Variants in AHR observed in about 807,000 individuals in gnomAD.
AHR encodes aryl hydrocarbon receptor.
AHR carries 40 observed loss-of-function variants against 86.8 expected under a neutral mutation model. The observed-to-expected ratio is 0.46, with a 90% CI of 0.36 to 0.60. The LOEUF is 0.60. Among genes scored for constraint, AHR ranks in the 20% least tolerant of loss-of-function variants. AHR has a pLI of 0.00. For missense variants in AHR, 1,001 were observed against 1,011.6 expected, an observed-to-expected ratio of 0.99 and a Z score of 0.14; for synonymous variants, 398 against 354.9, an observed-to-expected ratio of 1.12 and a Z score of -1.37.
Position 17,343,263 on chromosome 7 carries a change from T to C in AHR, c.*199T>C. 4.8e-6 allele frequency: 3 copies of C among 621,898 alleles called. No homozygotes were observed. Among genetic ancestry groups the C allele is most frequent in the Non-Finnish European group, 5.5e-6 (2 of 362,986 alleles). The allele number at this position is 621,898 out of a possible 1,614,324, so 38.5% of individuals were successfully genotyped here. A position where few individuals can be genotyped will look rare whatever the true frequency, so the allele number is the denominator to read the frequency against. ...AAAATGGTATCAAAATTACATATAC[T>C]ACAGTCAAGATAGAAAGGGTGCTGC... On this transcript the variant is annotated 3_prime_UTR_variant, in exon 11 of 11. Coordinates refer to ENST00000242057, the MANE Select transcript of AHR (RefSeq NM_001621.5).
At chr7:17,330,137 G>C (rs1782271807) in intron 5 of AHR, 62 bp downstream of exon 5, 2 of 1,525,598 alleles carry the variant, frequency 1.3e-6, no homozygotes, top group African/African-American at 1.4e-5. Context: ...TGTGAAAGGA[G>C]GCTGGGAACC....
intron 1 of AHR, among the ~76,000 whole-genome samples, chr7:17,302,733 G>A (rs1781966660): frequency 6.6e-6 from 1 of 151,438 alleles, no homozygotes; most frequent in African/African-American, 2.4e-5. Flanking sequence ...ACAGATCTGG[G>A]CAAGTTTCTT....
chr7:17,326,479 C>T (rs754775039), intron 3 of AHR, among the ~76,000 whole-genome samples: 3 of 152,140 alleles, frequency 2.0e-5, no homozygotes, highest in South Asian at 2.1e-4. Flanking sequence ...TAGTTTATTA[C>T]GTGTTGAATA....
chr7:17,319,569 G>C (rs1253152136), intron 2 of AHR, among the ~76,000 whole-genome samples: 3 of 152,120 alleles, frequency 2.0e-5, no homozygotes, highest in Admixed American at 2.0e-4. Flanking sequence ...TACGTGGAAA[G>C]TGCTAGGTGT....
intron 4 of AHR, among the ~76,000 whole-genome samples, chr7:17,328,307 G>A (rs1284169828): frequency 6.6e-6 from 1 of 151,940 alleles, no homozygotes; most frequent in East Asian, 1.9e-4. Flanking sequence ...TAAATAATGT[G>A]TAACAGGTGG....
chr7:17,310,349 T>C (rs572130693), intron 2 of AHR, among the ~76,000 whole-genome samples: 8 of 152,204 alleles, frequency 5.3e-5, no homozygotes, highest in Non-Finnish European at 1.2e-4. Context: ...GTATCATTCT[T>C]TGAAAATCAT....
rs752519308 is a variant in AHR, at chr7:17,309,933, C to T, written c.66-3C>T. 1 of 1,523,512 alleles carries T rather than the reference C, an allele frequency of 6.6e-7. No homozygotes were observed. Among genetic ancestry groups the T allele is most frequent in the Non-Finnish European group, 8.9e-7 (1 of 1,123,500 alleles). 94.4% of individuals were successfully genotyped at this position (1,523,512 alleles called of 1,614,324 possible). A position where few individuals can be genotyped will look rare whatever the true frequency, so the allele number is the denominator to read the frequency against. ...TTTTTATGGTATTTTGTTTGTTTTT[C>T]AGAGTAAAGCCAATCCCAGCTGAAG... On this transcript the variant is annotated splice_region_variant and splice_polypyrimidine_tract_variant and intron_variant, in intron 1 of 10. Coordinates refer to ENST00000242057, the MANE Select transcript of AHR (RefSeq NM_001621.5).
intron 4 of AHR, 26 bp downstream of exon 4, chr7:17,327,874 T>G (rs1464152949): frequency 4.0e-6 from 4 of 998,610 alleles, no homozygotes; most frequent in Non-Finnish European, 5.4e-6. Context: ...TTATATCATT[T>G]ATATTATTAT....
intron 2 of AHR, among the ~76,000 whole-genome samples, chr7:17,317,063 A>G (rs1782121872): frequency 6.7e-6 from 1 of 150,056 alleles, no homozygotes; most frequent in Admixed American, 6.6e-5. Context: ...TATGGAAATC[A>G]TAGTTATTTC....
intron 2 of AHR, among the ~76,000 whole-genome samples, chr7:17,315,715 A>G (rs1477384930): frequency 6.6e-6 from 1 of 151,966 alleles, no homozygotes; most frequent in East Asian, 1.9e-4. Context: ...ATGGAAATGT[A>G]CACCTTCATG....
intron 1 of AHR, 137 bp downstream of exon 1, chr7:17,299,466 G>T: frequency 2.1e-6 from 2 of 966,614 alleles, no homozygotes; most frequent in East Asian, 2.9e-5. Context: ...TGGAATCGAG[G>T]TTTGGAGGCC....
In AHR at chr7:17,345,752, T is replaced by G. The variant is rs138154471; in HGVS notation, c.*2688T>G. On this transcript the variant is annotated 3_prime_UTR_variant, in exon 11 of 11. Transcript: ENST00000242057. ...ATAACTAAAATGTATCTAAGAATAA[T>G]AAAATCACGTTAAACCAAATACACG... 3.2e-4 allele frequency: 49 copies of G among 152,886 alleles called. No individual in the cohort carries two copies. Among genetic ancestry groups the G allele is most frequent in the Middle Eastern group, 6.8e-3 (2 of 294 alleles). 9.5% of individuals were successfully genotyped at this position (152,886 alleles called of 1,614,324 possible). A position where few individuals can be genotyped will look rare whatever the true frequency, so the allele number is the denominator to read the frequency against.
chr7:17,307,827 A>G (rs1450205214), intron 1 of AHR, among the ~76,000 whole-genome samples: 1 of 152,084 alleles, frequency 6.6e-6, no homozygotes, highest in Non-Finnish European at 1.5e-5. Flanking sequence ...TCAGCTCAAC[A>G]CTTAAGAACA....
chr7:17,319,313 A>G (rs1426495977), intron 2 of AHR, among the ~76,000 whole-genome samples: 1 of 152,046 alleles, frequency 6.6e-6, no homozygotes, highest in Non-Finnish European at 1.5e-5. Context: ...AATTTGTCTC[A>G]AGAGGTAGCA....
rs1245852439 is a variant in AHR at position 17,298,883 on chromosome 7, C to T, written c.-382C>T. On this transcript the variant is annotated 5_prime_UTR_variant, in exon 1 of 11. Transcript: ENST00000242057. ...CGACGGTCACGGGGCGCGGCGCCAC[C>T]GTGAGCGACCCAGGCCAGGATTCTA... 1.5e-5 allele frequency: 6 copies of T among 398,714 alleles called. No individual in the cohort carries two copies. The highest frequency in any genetic ancestry group is 6.2e-4 in the Middle Eastern group (1 of 1,614). 24.7% of individuals were successfully genotyped at this position (398,714 alleles called of 1,614,324 possible).
intron 6 of AHR, among the ~76,000 whole-genome samples, 164 bp from the exon 7 acceptor site, chr7:17,333,748 C>T (rs545638546): frequency 3.8e-4 from 58 of 151,944 alleles, no homozygotes; most frequent in Middle Eastern, 3.4e-3. Context: ...ATTTAATGGG[C>T]GTCCCATGGA....
At chr7:17,340,789 ACATTACCTCCC>A (rs1349132054) in intron 10 of AHR, among the ~76,000 whole-genome samples, 2 of 152,120 alleles carry the variant, frequency 1.3e-5, no homozygotes, top group African/African-American at 4.8e-5. Flanking sequence ...CTATTCCTCC[ACATTACCTCCC>A]CTATCCTCAT....
chr7:17,302,606 A>G (rs1307514635), intron 1 of AHR, among the ~76,000 whole-genome samples: 1 of 151,954 alleles, frequency 6.6e-6, no homozygotes, highest in Non-Finnish European at 1.5e-5. Context: ...GAACTATGAA[A>G]TGAAGTAAGT....
intron 1 of AHR, among the ~76,000 whole-genome samples, chr7:17,304,572 G>A (rs531864403): frequency 3.9e-5 from 6 of 152,094 alleles, no homozygotes; most frequent in East Asian, 1.9e-4. Flanking sequence ...ATATTCTGCC[G>A]TCACAGAAAC....
Sources: allele counts gnomAD v4.1 joint callset (sites outside exome capture counted in the v4.1 genomes callset), GRCh38; gene constraint gnomAD v4.1.1; transcripts MANE v1.5; gene names NCBI Gene and HGNC (gene_info 2026-07-23, HGNC 2026-07-21).